The following CNOT1 variants were observed in gnomAD, a reference collection of about 807,000 sequenced individuals.
CNOT1 encodes the protein CCR4-associated factor 1.
A neutral mutation model predicts 273.8 loss-of-function variants in CNOT1; 15 were observed. The ratio of observed to expected loss-of-function variants is 0.05; its 90% CI spans 0.04 to 0.08. The LOEUF is 0.08. Ranked by LOEUF, CNOT1 falls within the 10% of genes least tolerant of loss-of-function variation. CNOT1 has a pLI of 1.00. For missense variants in CNOT1, 1,644 were observed against 2,912.2 expected, an observed-to-expected ratio of 0.56 and a Z score of 10.02; for synonymous variants, 1,022 against 1,005.5, an observed-to-expected ratio of 1.02 and a Z score of -0.31.
rs904746972 is a variant in CNOT1 at position 58,545,447 on chromosome 16, C to T, written c.4051G>A (p.Val1351Ile). ...PATNTTCTAT[V>I]PPQPQYSYHD... Reference sequence around the variant, plus strand: ...TAGCTGTACTGTGGCTGTGGTGGAACCGTGGCTGTACAAGTGGTGTTGGTA... The same window carrying T: ...TAGCTGTACTGTGGCTGTGGTGGAATCGTGGCTGTACAAGTGGTGTTGGTA... The change falls in exon 30 of 49, where the codon GTT becomes ATT. Residue 1351 changes from valine (V) to isoleucine (I), a missense_variant. Physicochemically the swap from Val to Ile is conservative, Grantham distance 29. This residue lies in a region of CNOT1 where 133 missense variants were observed against 230.4 expected (regional missense o/e 0.58). Coordinates refer to ENST00000317147, the MANE Select transcript of CNOT1 (RefSeq NM_016284.5). 6.2e-7 allele frequency: 1 copy of T among 1,613,908 alleles called. No individual in the cohort carries two copies. The highest frequency in any genetic ancestry group is 1.3e-5 in the African/African-American group (1 of 74,900).
chr16:58,626,577 T>G (rs1055547026), intron 1 of CNOT1, among the ~76,000 whole-genome samples: 1 of 151,746 alleles, frequency 6.6e-6, no homozygotes, highest in East Asian at 1.9e-4. Context: ...CTGACCAACA[T>G]AGTGAAACCC....
intron 2 of CNOT1, among the ~76,000 whole-genome samples, chr16:58,593,974 G>C (rs565689174): frequency 6.6e-4 from 100 of 152,330 alleles, no homozygotes; most frequent in Non-Finnish European, 1.2e-3. Flanking sequence ...GCCAGGCATG[G>C]TGGCTCACGC....
intron 39 of CNOT1, among the ~76,000 whole-genome samples, chr16:58,536,650 G>C (rs1486633320): frequency 6.6e-6 from 1 of 151,802 alleles, no homozygotes; most frequent in Admixed American, 6.6e-5. Context: ...GGGCTACTGT[G>C]AGAATTTTAC....
At chr16:58,622,331 AGTGGGGGGGG>A in intron 1 of CNOT1, among the ~76,000 whole-genome samples, 1 of 1,018 alleles carries the variant, frequency 9.8e-4, no homozygotes, top group East Asian at 0.024. Context: ...GTACCACTCT[AGTGGGGGGGG>A]GGGGGGGGGC....
chr16:58,577,772 T>C (rs1185988333), intron 13 of CNOT1, among the ~76,000 whole-genome samples: 2 of 150,696 alleles, frequency 1.3e-5, no homozygotes, highest in Non-Finnish European at 3.0e-5. Flanking sequence ...CCTGGGAGGT[T>C]GAGGCTGCAG....
In CNOT1 at chr16:58,606,983, T is replaced by C. The variant is rs549395831; in HGVS notation, c.-174-7472A>G. ...TTTCACTAGAGAACACTATACAATA[T>C]TACTAATTGTCTATTGAACATTCAA... On this transcript the variant is annotated intron_variant, in intron 1 of 48. Coordinates refer to ENST00000317147, the MANE Select transcript of CNOT1 (RefSeq NM_016284.5). 3.9e-5 allele frequency among the ~76,000 whole-genome samples: 6 copies of C among 152,268 alleles called. No homozygotes were observed. In the South Asian group the frequency reaches 1.2e-3, roughly 32 times the overall value.
intron 8 of CNOT1, among the ~76,000 whole-genome samples, chr16:58,584,297 T>G (rs2041761021): frequency 6.6e-6 from 1 of 152,200 alleles, no homozygotes; most frequent in Non-Finnish European, 1.5e-5. Context: ...TTCTGATATG[T>G]ACACAGCCTT....
Position 58,545,497 on chromosome 16 carries a change from T to C in CNOT1, c.4007-6A>G. The C allele has an allele frequency of 3.1e-6, 5 of 1,613,390 alleles. No individual in the cohort carries two copies. The South Asian group carries it at 3.3e-5, about 11-fold the overall frequency. On this transcript the variant is annotated splice_region_variant and splice_polypyrimidine_tract_variant and intron_variant, in intron 29 of 48. Coordinates refer to ENST00000317147, the MANE Select transcript of CNOT1 (RefSeq NM_016284.5). Reference sequence around the variant, plus strand: ...AGCTGGTGTAGTAGAAGTTGCTAAATGTCAAGTAATAAAAAGAGATTTAAA... The same window carrying C: ...AGCTGGTGTAGTAGAAGTTGCTAAACGTCAAGTAATAAAAAGAGATTTAAA...
chr16:58,571,749 G>A (rs1218364802), intron 16 of CNOT1, among the ~76,000 whole-genome samples: 2 of 152,026 alleles, frequency 1.3e-5, no homozygotes, highest in Non-Finnish European at 2.9e-5. Context: ...AGGCTGAGGC[G>A]AGTGGATCAC....
chr16:58,574,720 C>T lies in CNOT1; in HGVS notation c.1868G>A (p.Arg623Gln), dbSNP rs1011658922. Residue 623 changes from arginine (R) to glutamine (Q), a missense_variant, in exon 16 of 49, where the codon CGG becomes CAG. Arg to Gln is a conservative substitution (Grantham distance 43). Transcript: ENST00000317147. ...AAGTCCGCCCAAAATAGAAGGACAC[C>T]GTCTCTTTAAAAAAGTCATACACGC... ...IQACMTFLKRRCPSILGGLAP... is the reference protein window; with the variant it reads ...IQACMTFLKRQCPSILGGLAP... 3.7e-6 allele frequency: 6 copies of T among 1,605,664 alleles called. No homozygotes were observed. Among genetic ancestry groups the T allele is most frequent in the Middle Eastern group, 1.7e-4 (1 of 6,050 alleles).
rs372815596 is a variant in CNOT1 at position 58,620,219 on chromosome 16, A to G, written c.-175+9509T>C. On this transcript the variant is annotated intron_variant, in intron 1 of 48. Coordinates refer to ENST00000317147, the MANE Select transcript of CNOT1 (RefSeq NM_016284.5). ...AAACTTAAAAGGCATTGTAGGGTGC[A>G]CTTAAGTGAAACTGGCCAAGGATGG... Among the ~76,000 whole-genome samples, 3 of 152,210 alleles carry G rather than the reference A, an allele frequency of 2.0e-5. No homozygotes were observed. The South Asian group carries it at 6.2e-4, about 32-fold the overall frequency.
At chr16:58,537,863 C>G in intron 38 of CNOT1, 28 bp downstream of exon 38, 3 of 1,611,834 alleles carry the variant, frequency 1.9e-6, no homozygotes, top group Non-Finnish European at 2.5e-6. Flanking sequence ...ACTAAATGCA[C>G]AGGGATCTCA....
intron 1 of CNOT1, among the ~76,000 whole-genome samples, chr16:58,603,381 A>T (rs1398543071): frequency 1.3e-5 from 2 of 150,458 alleles, no homozygotes; most frequent in Non-Finnish European, 2.9e-5. Context: ...GGGATAACAT[A>T]CCTAGACCCT....
chr16:58,592,235 G>T (rs1184472932), intron 2 of CNOT1, among the ~76,000 whole-genome samples: 1 of 151,972 alleles, frequency 6.6e-6, no homozygotes, highest in African/African-American at 2.4e-5. Flanking sequence ...AATAGTTTTA[G>T]AAGAAACAGT....
intron 30 of CNOT1, 28 bp downstream of exon 30, chr16:58,545,333 C>G: frequency 6.2e-7 from 1 of 1,603,836 alleles, no homozygotes; most frequent in East Asian, 2.2e-5. Context: ...AAACTAGAAG[C>G]TGGGAGAATG....
At chr16:58,580,929 AGGT>A (rs1283665869) in intron 11 of CNOT1, among the ~76,000 whole-genome samples, 169 bp from the exon 12 acceptor site, 1 of 152,264 alleles carries the variant, frequency 6.6e-6, no homozygotes, top group Non-Finnish European at 1.5e-5. Flanking sequence ...GACACATTAA[AGGT>A]GCATAATGAA....
At chr16:58,539,730 A>G (rs1242108470) in intron 35 of CNOT1, 38 bp downstream of exon 35, 3 of 1,570,514 alleles carry the variant, frequency 1.9e-6, no homozygotes, top group Non-Finnish European at 2.6e-6. Context: ...ATGTTTACAC[A>G]CCTAGCATTT....
chr16:58,629,226 G>A (rs965213801), intron 1 of CNOT1, among the ~76,000 whole-genome samples: 5 of 152,252 alleles, frequency 3.3e-5, no homozygotes, highest in East Asian at 3.8e-4. Context: ...CGAGTACACG[G>A]AGAAGAACTG....
intron 1 of CNOT1, among the ~76,000 whole-genome samples, chr16:58,611,190 AGG>A (rs1241333023): frequency 6.6e-6 from 1 of 151,942 alleles, no homozygotes; most frequent in East Asian, 1.9e-4. Flanking sequence ...CCACTTTGGG[AGG>A]CTGAGGCGGG....
Sources: gnomAD v4.1 joint callset for allele counts (sites outside exome capture counted in the v4.1 genomes callset) on GRCh38, gnomAD v4.1.1 for gene constraint, gnomAD v4.1.1 regional missense constraint, MANE v1.5 for transcripts, NCBI Gene and HGNC (gene_info 2026-07-23, HGNC 2026-07-21) for gene names.